The following ADCY2 variants were observed in gnomAD, a reference collection of about 807,000 sequenced individuals.
ADCY2 encodes the protein adenylate cyclase 2, also known as adenylate cyclase type 2.
Under a neutral mutation model 125.2 loss-of-function variants are expected in ADCY2, and 31 were observed. The observed-to-expected ratio is 0.25, with a 90% CI of 0.19 to 0.33. The LOEUF (loss-of-function observed/expected upper bound fraction) is 0.33. Ranked by LOEUF, ADCY2 falls within the 10% of genes least tolerant of loss-of-function variation. The pLI, the probability that ADCY2 is intolerant of heterozygous loss-of-function variation, is 1.00. For synonymous variants in ADCY2, 512 were observed against 548.4 expected (o/e 0.93, Z 0.93); for missense variants, 904 against 1,418.2 (o/e 0.64, Z 5.82).
intron 7 of ADCY2, among the ~76,000 whole-genome samples, chr5:7,706,069 C>T (rs1410312384): frequency 3.9e-5 from 6 of 152,170 alleles, no homozygotes; most frequent in Non-Finnish European, 7.4e-5. Flanking sequence ...TTTTGCAATA[C>T]TACTTTAATG....
intron 4 of ADCY2, among the ~76,000 whole-genome samples, chr5:7,649,934 G>A (rs543854273): frequency 4.6e-4 from 70 of 151,918 alleles, no homozygotes; most frequent in African/African-American, 1.4e-3. Flanking sequence ...CTCACTCCTC[G>A]TATCCAAGCC....
At chr5:7,776,964 C>T (rs1034682235) in intron 18 of ADCY2, among the ~76,000 whole-genome samples, 3 of 152,030 alleles carry the variant, frequency 2.0e-5, no homozygotes, top group Non-Finnish European at 2.9e-5. Context: ...TGAGCCACTC[C>T]CAGCATCTCT....
intron 11 of ADCY2, among the ~76,000 whole-genome samples, chr5:7,713,502 A>AG (rs1741504287): frequency 1.3e-5 from 2 of 151,800 alleles, no homozygotes; most frequent in Non-Finnish European, 2.9e-5. Flanking sequence ...TCAGAAAAAA[A>AG]AAAAATAAAA....
At chr5:7,639,807 C>T (rs1738631400) in intron 4 of ADCY2, among the ~76,000 whole-genome samples, 1 of 152,194 alleles carries the variant, frequency 6.6e-6, no homozygotes, top group Non-Finnish European at 1.5e-5. Context: ...CAGAGATTTA[C>T]AATGCTTCAT....
chr5:7,622,203 T>A lies in ADCY2; in HGVS notation c.571-3964T>A, dbSNP rs1737975915. The stretch of plus-strand genomic sequence containing the variant: ...TTTGATATTATTTTTGAAAAGAAAA[T>A]TGTAACCTAATCACTTCCTTGCAGC... On this transcript the variant is annotated intron_variant, in intron 3 of 24. Coordinates refer to ENST00000338316, the MANE Select transcript of ADCY2 (RefSeq NM_020546.3). Among the ~76,000 whole-genome samples the A allele has an allele frequency of 2.0e-5, 3 of 152,178 alleles. No individual in the cohort carries two copies. In the South Asian group the frequency reaches 6.2e-4, roughly 32 times the overall value.
intron 2 of ADCY2, among the ~76,000 whole-genome samples, chr5:7,482,767 GATATATAT>G (rs140354609): frequency 1.7e-5 from 2 of 119,474 alleles, no homozygotes; most frequent in East Asian, 2.4e-4. Flanking sequence ...AAGAAAATGT[GATATATAT>G]ATATATATAT....
At chr5:7,485,041 G>T (rs1029691053) in intron 2 of ADCY2, among the ~76,000 whole-genome samples, 1 of 152,126 alleles carries the variant, frequency 6.6e-6, no homozygotes, top group Non-Finnish European at 1.5e-5. Context: ...CACAGAATGA[G>T]CCCATTCAGC....
chr5:7,616,890 A>C (rs1427461001), intron 3 of ADCY2, among the ~76,000 whole-genome samples: 1 of 152,094 alleles, frequency 6.6e-6, no homozygotes, highest in Non-Finnish European at 1.5e-5. Context: ...GTGTCTCTAT[A>C]AGAAGAGGAG....
At chr5:7,761,148 CTTTTTTTT>C (rs367998018) in intron 16 of ADCY2, among the ~76,000 whole-genome samples, 2 of 88,162 alleles carry the variant, frequency 2.3e-5, no homozygotes, top group African/African-American at 9.3e-5. Flanking sequence ...CTTTTCTTTT[CTTTTTTTT>C]TTTTTTTTTT....
intron 21 of ADCY2, among the ~76,000 whole-genome samples, chr5:7,803,853 T>C (rs920566695): frequency 3.3e-5 from 5 of 151,836 alleles, no homozygotes; most frequent in African/African-American, 7.2e-5. Flanking sequence ...TGAGCTATGA[T>C]CACACCACTG....
intron 3 of ADCY2, among the ~76,000 whole-genome samples, chr5:7,589,975 T>C (rs574927120): frequency 1.3e-5 from 2 of 152,288 alleles, no homozygotes; most frequent in East Asian, 1.9e-4. Context: ...TCCTTACCTG[T>C]CTATTTAGGT....
intron 3 of ADCY2, among the ~76,000 whole-genome samples, chr5:7,538,865 C>CTTTTTTTTT (rs373296689): frequency 2.3e-5 from 2 of 85,116 alleles, no homozygotes; most frequent in Non-Finnish European, 5.2e-5. Flanking sequence ...CTTTTCTTTT[C>CTTTTTTTTT]TTTTTTTTTT....
chr5:7,675,433 C>T (rs904236995), intron 4 of ADCY2, among the ~76,000 whole-genome samples: 1 of 152,060 alleles, frequency 6.6e-6, no homozygotes, highest in Non-Finnish European at 1.5e-5. Flanking sequence ...CTGGGATGAC[C>T]AATGTAAGTG....
chr5:7,658,399 T>TTTTGTGTGTGTG (rs1554029015), intron 4 of ADCY2, among the ~76,000 whole-genome samples: 72 of 131,016 alleles, frequency 5.5e-4, no homozygotes, highest in African/African-American at 2.0e-3. Context: ...GTGAAGAGAA[T>TTTTGTGTGTGTG]TGTGTGTGTG....
intron 22 of ADCY2, among the ~76,000 whole-genome samples, chr5:7,810,405 C>A (rs1744900758): frequency 6.6e-6 from 1 of 151,190 alleles, no homozygotes. Flanking sequence ...GGGTTATCTG[C>A]CTGATGGGTG....
chr5:7,482,280 T>C (rs1434990222), intron 2 of ADCY2, among the ~76,000 whole-genome samples: 1 of 152,134 alleles, frequency 6.6e-6, no homozygotes, highest in Non-Finnish European at 1.5e-5. Context: ...ATTATTATTA[T>C]TTTACTTCAT....
chr5:7,595,059 C>A (rs1425471382), intron 3 of ADCY2, among the ~76,000 whole-genome samples: 2 of 152,120 alleles, frequency 1.3e-5, no homozygotes, highest in East Asian at 3.9e-4. Context: ...TTTTCTTTGT[C>A]CTTCAAGGCA....
At chr5:7,577,365 C>T (rs774637801) in intron 3 of ADCY2, among the ~76,000 whole-genome samples, 2 of 152,170 alleles carry the variant, frequency 1.3e-5, no homozygotes, top group African/African-American at 4.8e-5. Flanking sequence ...CTGGATTGAT[C>T]AATTTATAAT....
intron 3 of ADCY2, among the ~76,000 whole-genome samples, chr5:7,616,089 C>T (rs1432430005): frequency 2.0e-5 from 3 of 152,180 alleles, no homozygotes; most frequent in East Asian, 3.9e-4. Flanking sequence ...AACAAAACTC[C>T]TGGGAATTTC....
Sources: gnomAD v4.1 joint callset for allele counts (sites outside exome capture counted in the v4.1 genomes callset) on GRCh38, gnomAD v4.1.1 for gene constraint, MANE v1.5 for transcripts, NCBI Gene and HGNC (gene_info 2026-07-23, HGNC 2026-07-21) for gene names.